Variants in CSMD1 observed in about 807,000 individuals in gnomAD.
CSMD1 encodes the protein CUB and sushi domain-containing protein 1.
Under a neutral mutation model 417.5 loss-of-function variants are expected in CSMD1, and 213 were observed. The ratio of observed to expected loss-of-function variants is 0.51; its 90% CI spans 0.46 to 0.57. CSMD1 has a LOEUF of 0.57. Ranked by LOEUF, CSMD1 falls within the 20% of genes least tolerant of loss-of-function variation. The pLI is 0.00. For synonymous variants in CSMD1, 2,862 were observed against 1,736.8 expected, an observed-to-expected ratio of 1.65 and a Z score of -16.11; for missense variants, 6,923 against 4,529.7, an observed-to-expected ratio of 1.53 and a Z score of -15.17.
At position 4,267,701 on chromosome 8, in the gene CSMD1, A is replaced by G. The variant is rs187539825; in HGVS notation, c.415+152252T>C. On this transcript the variant is annotated intron_variant, in intron 3 of 69. Transcript: ENST00000635120. ...CACTCCCTCCTTAGTGTCTTACATG[A>G]CTTTACATCCTCACCAAAGTTCTGA... is the stretch of plus-strand genomic sequence containing the variant. Among the ~76,000 whole-genome samples, 181 of 152,190 alleles carry G rather than the reference A, an allele frequency of 1.2e-3. 1 individual carries two copies. The highest frequency in any genetic ancestry group is 4.2e-3 in the African/African-American group (175 of 41,562).
At chr8:4,530,255 T>C (rs1159013220) in intron 2 of CSMD1, among the ~76,000 whole-genome samples, 1 of 150,160 alleles carries the variant, frequency 6.7e-6, no homozygotes, top group African/African-American at 2.4e-5. Flanking sequence ...CCATTTTGTG[T>C]CTTCATCATC....
chr8:4,410,089 C>T (rs1463989343), intron 3 of CSMD1, among the ~76,000 whole-genome samples: 1 of 152,192 alleles, frequency 6.6e-6, no homozygotes, highest in Non-Finnish European at 1.5e-5. Flanking sequence ...GCTGGGATTA[C>T]AGCCATGAGC....
At chr8:4,379,171 GA>G (rs1802940408) in intron 3 of CSMD1, among the ~76,000 whole-genome samples, 1 of 152,166 alleles carries the variant, frequency 6.6e-6, no homozygotes, top group Non-Finnish European at 1.5e-5. Context: ...GGAAATGGCT[GA>G]TTTATTCTGT....
chr8:3,594,576 C>A (rs943306047), intron 8 of CSMD1, among the ~76,000 whole-genome samples: 2 of 152,178 alleles, frequency 1.3e-5, no homozygotes, highest in Admixed American at 1.3e-4. Flanking sequence ...CTATCTCCTA[C>A]CTTCCTGTTT....
rs139980236 is a variant in CSMD1 at position 4,016,808 on chromosome 8, T to C, written c.610+15097A>G. ...TTGGGTTTTTTTGGTCGTTGTTTTA[T>C]TTGACATCCATGAGGTTGTTGGAAG... On this transcript the variant is annotated intron_variant, in intron 4 of 69. Transcript: ENST00000635120. Among the ~76,000 whole-genome samples, 5 of 152,226 alleles carry C rather than the reference T, an allele frequency of 3.3e-5. No homozygotes were observed. In the East Asian group the frequency reaches 5.8e-4, roughly 18 times the overall value.
chr8:4,162,011 G>C (rs1045478733), intron 3 of CSMD1, among the ~76,000 whole-genome samples: 5 of 152,104 alleles, frequency 3.3e-5, no homozygotes, highest in African/African-American at 9.7e-5. Flanking sequence ...TAACCATTCT[G>C]TATTTGCCTT....
At chr8:3,089,837 T>C (rs1029973551) in intron 48 of CSMD1, among the ~76,000 whole-genome samples, 2 of 152,188 alleles carry the variant, frequency 1.3e-5, no homozygotes, top group African/African-American at 2.4e-5. Flanking sequence ...CTCCTTGTGG[T>C]ATGACAACAA....
chr8:4,300,733 G>A (rs377420944), intron 3 of CSMD1, among the ~76,000 whole-genome samples: 6 of 152,028 alleles, frequency 3.9e-5, no homozygotes, highest in South Asian at 2.1e-4. Context: ...CCCTTCCTGC[G>A]TCCACGTGTT....
rs1022922485 is a variant in CSMD1, at chr8:3,106,694, G to A, written c.6836-53C>T. 3.3e-5 allele frequency: 35 copies of A among 1,052,132 alleles called. No homozygotes were observed. In the South Asian group the frequency reaches 4.8e-4, roughly 15 times the overall value. The allele number at this position is 1,052,132 out of a possible 1,614,324, so 65.2% of individuals were successfully genotyped here. A position where few individuals can be genotyped will look rare whatever the true frequency, so the allele number is the denominator to read the frequency against. On this transcript the variant is annotated intron_variant, in intron 45 of 69. Coordinates refer to ENST00000635120, the MANE Select transcript of CSMD1 (RefSeq NM_033225.6). Reference sequence around the variant, plus strand: ...AAATTGTGTGTGACCTTCTGAGTGTGTGAAGGTGTGACACATGTAGGACTA... The same window carrying A: ...AAATTGTGTGTGACCTTCTGAGTGTATGAAGGTGTGACACATGTAGGACTA...
At chr8:3,748,441 C>G (rs1196866615) in intron 6 of CSMD1, among the ~76,000 whole-genome samples, 3 of 152,174 alleles carry the variant, frequency 2.0e-5, no homozygotes, top group Non-Finnish European at 4.4e-5. Context: ...TTTCTAGACA[C>G]TCTGCAGAGC....
At chr8:3,547,344 T>C (rs1798710548) in intron 10 of CSMD1, among the ~76,000 whole-genome samples, 1 of 152,204 alleles carries the variant, frequency 6.6e-6, no homozygotes, top group Admixed American at 6.5e-5. Flanking sequence ...ATGTAAAATT[T>C]GTACGGTCGA....
chr8:4,228,960 C>A (rs1213755268), intron 3 of CSMD1, among the ~76,000 whole-genome samples: 2 of 152,086 alleles, frequency 1.3e-5, no homozygotes, highest in Non-Finnish European at 2.9e-5. Context: ...AGCCACTGAG[C>A]CAAGCCAGGA....
chr8:4,503,061 T>A (rs962751397), intron 2 of CSMD1, among the ~76,000 whole-genome samples: 1 of 152,200 alleles, frequency 6.6e-6, no homozygotes, highest in East Asian at 1.9e-4. Context: ...TAAAGAACTA[T>A]AGTTCTGTAA....
chr8:3,643,002 G>A (rs759223102), intron 7 of CSMD1, among the ~76,000 whole-genome samples: 11 of 151,944 alleles, frequency 7.2e-5, no homozygotes, highest in Non-Finnish European at 1.5e-4. Context: ...AAAAAAAATA[G>A]ATGTAAGAAA....
chr8:3,866,035 G>C (rs1394847250), intron 5 of CSMD1, among the ~76,000 whole-genome samples: 1 of 150,900 alleles, frequency 6.6e-6, no homozygotes, highest in South Asian at 2.1e-4. Context: ...AGAAAACACA[G>C]TAACACTTAA....
intron 4 of CSMD1, among the ~76,000 whole-genome samples, chr8:4,025,198 T>C (rs1796999935): frequency 6.6e-6 from 1 of 152,238 alleles, no homozygotes. Context: ...GGGAGTGTTC[T>C]GGATCAGATG....
At chr8:3,606,932 G>A (rs777674565) in intron 8 of CSMD1, among the ~76,000 whole-genome samples, 3 of 151,902 alleles carry the variant, frequency 2.0e-5, no homozygotes, top group Middle Eastern at 3.2e-3. Flanking sequence ...GGATGGTCTC[G>A]ATCTCTTAAT....
rs1279066253 is a variant in CSMD1 at position 2,937,014 on chromosome 8, A to C, written c.*1571T>G. The C allele has an allele frequency of 6.6e-6, 1 of 152,250 alleles. No homozygotes were observed. The highest frequency in any genetic ancestry group is 1.5e-5 in the Non-Finnish European group (1 of 68,044). 9.4% of individuals were successfully genotyped at this position (152,250 alleles called of 1,614,324 possible). On this transcript the variant is annotated 3_prime_UTR_variant, in exon 70 of 70. Coordinates refer to ENST00000635120, the MANE Select transcript of CSMD1 (RefSeq NM_033225.6). ...GAACTGAAATATCAAATAATAAAATAAGTACTATCGTTTCAAAAATATTTT... is the reference window on the plus strand; with the variant it reads ...GAACTGAAATATCAAATAATAAAATCAGTACTATCGTTTCAAAAATATTTT...
intron 5 of CSMD1, among the ~76,000 whole-genome samples, chr8:3,793,654 C>A (rs1283400109): frequency 6.6e-6 from 1 of 152,112 alleles, no homozygotes; most frequent in African/African-American, 2.4e-5. Flanking sequence ...CTTGGATGAT[C>A]TCTCAGCATT....
Sources: allele counts gnomAD v4.1 joint callset (sites outside exome capture counted in the v4.1 genomes callset), GRCh38; gene constraint gnomAD v4.1.1; transcripts MANE v1.5; gene names NCBI Gene and HGNC (gene_info 2026-07-23, HGNC 2026-07-21).